Variants in PSD3 observed in about 807,000 individuals in gnomAD.
PSD3 encodes the protein pleckstrin and Sec7 domain containing 3.
In PSD3, 49 loss-of-function variants were observed where a neutral mutation model predicts 105.5. That is an observed-to-expected ratio of 0.46 (90% confidence interval 0.37 to 0.59). PSD3 has a LOEUF of 0.59. Among genes scored for constraint, PSD3 ranks in the 20% least tolerant of loss-of-function variants. The probability of loss-of-function intolerance (pLI) is 0.00; values close to 1 mark genes in which losing one functional copy is unlikely to be tolerated. For synonymous variants in PSD3, 557 were observed against 457.8 expected (o/e 1.22, Z -2.77); for missense variants, 1,561 against 1,263.8 (o/e 1.24, Z -3.57).
intron 1 of PSD3, among the ~76,000 whole-genome samples, chr8:18,980,455 CGTTG>C (rs895862133): frequency 6.6e-6 from 1 of 151,610 alleles, no homozygotes; most frequent in Admixed American, 6.6e-5. Flanking sequence ...TTGGTTGGTT[CGTTG>C]GTTGGTTGGT....
chr8:18,823,483 A>T (rs1204894716), intron 4 of PSD3, among the ~76,000 whole-genome samples: 2 of 152,126 alleles, frequency 1.3e-5, no homozygotes, highest in Non-Finnish European at 2.9e-5. Context: ...AGAGGTATGA[A>T]AAGTCCTGCC....
intron 4 of PSD3, among the ~76,000 whole-genome samples, chr8:18,810,664 CA>C: frequency 6.6e-6 from 1 of 152,104 alleles, no homozygotes; most frequent in Non-Finnish European, 1.5e-5. Flanking sequence ...AAGGGTTGTA[CA>C]TAGAAAATAA....
chr8:18,717,840 G>T (rs2129425059), intron 9 of PSD3, among the ~76,000 whole-genome samples: 1 of 152,124 alleles, frequency 6.6e-6, no homozygotes, highest in East Asian at 1.9e-4. Flanking sequence ...ATAAACTTTT[G>T]CCTGCTCTAG....
upstream of PSD3, chr8:19,013,768 C>T: frequency 3.8e-6 from 1 of 262,728 alleles, no homozygotes; most frequent in Non-Finnish European, 6.4e-6. Flanking sequence ...CGGCAGCCGC[C>T]CGCCCGGCCC....
intron 9 of PSD3, among the ~76,000 whole-genome samples, chr8:18,731,011 C>G (rs1181224669): frequency 6.6e-6 from 1 of 151,290 alleles, no homozygotes. Context: ...TCTGTCCTCT[C>G]TAGAAAATTC....
intron 4 of PSD3, among the ~76,000 whole-genome samples, chr8:18,862,375 GTT>G (rs11287530): frequency 4.6e-5 from 7 of 150,678 alleles, no homozygotes; most frequent in African/African-American, 1.2e-4. Flanking sequence ...CTCCTTTGTG[GTT>G]TTTAAAAAAA....
intron 4 of PSD3, chr8:18,865,264 ATATATATATATATATATATATATTT>A (rs1784314062): frequency 8.7e-3 from 30 of 3,432 alleles, no homozygotes; most frequent in African/African-American, 0.024. Flanking sequence ...ATATATATAT[ATATATATATATATATATATATATTT>A]TTTTTTTTTT....
At chr8:18,541,922 T>C (rs1181783152) in intron 15 of PSD3, among the ~76,000 whole-genome samples, 2 of 152,000 alleles carry the variant, frequency 1.3e-5, no homozygotes, top group African/African-American at 2.4e-5. Flanking sequence ...CTGGCTGATT[T>C]TGTATTTTTA....
At chr8:18,860,262 C>A (rs1816339599) in intron 4 of PSD3, among the ~76,000 whole-genome samples, 1 of 151,540 alleles carries the variant, frequency 6.6e-6, no homozygotes, top group Non-Finnish European at 1.5e-5. Flanking sequence ...TATGGGGCCC[C>A]AAAACAATGA....
chr8:18,565,420 T>C (rs944114071), intron 14 of PSD3, among the ~76,000 whole-genome samples: 2 of 152,220 alleles, frequency 1.3e-5, no homozygotes, highest in African/African-American at 4.8e-5. Flanking sequence ...CGACTCCTCC[T>C]ACACAGCAGA....
chr8:18,761,626 A>G (rs1214894542), intron 9 of PSD3, among the ~76,000 whole-genome samples: 1 of 152,200 alleles, frequency 6.6e-6, no homozygotes, highest in African/African-American at 2.4e-5. Context: ...AACACAGCCT[A>G]CAATACAGAG....
Position 19,070,532 on chromosome 8 carries a change from G to A in PSD3, c.324+13674C>T, listed in dbSNP as rs577250257. 2.6e-5 allele frequency among the ~76,000 whole-genome samples: 4 copies of A among 152,190 alleles called. No homozygotes were observed. In the East Asian group the frequency reaches 7.7e-4, roughly 29 times the overall value. On this transcript the variant is annotated intron_variant, in intron 1 of 1. Transcript: ENST00000521475. ...CTCTACTAAAAATACAAAAAAATTA[G>A]CCAGGCTTGGTGGCACATGTCTGTA...
chr8:18,765,465 G>C lies in PSD3; in HGVS notation c.2156C>G (p.Ser719Cys). The stretch of plus-strand genomic sequence containing the variant: ...CATGCTTACTTTCAGCAGATCCTTG[G>C]AGAAATCAACACCCTCATTTACCCC... Reference protein sequence around the residue: ...LQGVNEGVDFSKDLLKALYNS... With the variant: ...LQGVNEGVDFCKDLLKALYNS... The change falls in exon 9 of 16, where the codon TCC becomes TGC. Residue 719 changes from serine to cysteine, a missense_variant. Coordinates refer to ENST00000327040, the MANE Select transcript of PSD3 (RefSeq NM_015310.4). 1 of 1,610,230 alleles carries C rather than the reference G, an allele frequency of 6.2e-7. No homozygotes were observed. Among genetic ancestry groups the C allele is most frequent in the Non-Finnish European group, 8.5e-7 (1 of 1,176,460 alleles).
intron 9 of PSD3, among the ~76,000 whole-genome samples, chr8:18,759,492 T>C (rs1483913208): frequency 1.3e-5 from 2 of 152,182 alleles, no homozygotes; most frequent in Non-Finnish European, 2.9e-5. Flanking sequence ...TAAGTTGGTA[T>C]AAAAATTTTT....
intron 8 of PSD3, among the ~76,000 whole-genome samples, chr8:18,771,918 C>T (rs28791302): frequency 0.15 from 22,979 of 152,178 alleles, 2,272 homozygotes; most frequent in East Asian, 0.34. Context: ...TTGTAACCAA[C>T]GTTCTACTTT....
At chr8:19,078,044 T>G (rs1212496015) in intron 1 of PSD3, among the ~76,000 whole-genome samples, 1 of 152,154 alleles carries the variant, frequency 6.6e-6, no homozygotes, top group African/African-American at 2.4e-5. Context: ...AAATTTGTTC[T>G]TTTTGAGACA....
chr8:18,619,910 C>T (rs1312074638), intron 11 of PSD3, among the ~76,000 whole-genome samples: 2 of 152,142 alleles, frequency 1.3e-5, no homozygotes, highest in Admixed American at 6.5e-5. Context: ...GGAGAATCGC[C>T]ATTGATGCAG....
At chr8:19,022,475 C>T (rs1247888000) in intron 1 of PSD3, among the ~76,000 whole-genome samples, 1 of 152,234 alleles carries the variant, frequency 6.6e-6, no homozygotes, top group African/African-American at 2.4e-5. Context: ...CTCACACATG[C>T]CCCTTGCCTC....
chr8:18,569,315 T>G (rs1235397891), intron 14 of PSD3, among the ~76,000 whole-genome samples: 2 of 134,390 alleles, frequency 1.5e-5, no homozygotes, highest in African/African-American at 5.6e-5. Flanking sequence ...TAGTTTACAG[T>G]CCCACCAACA....
Sources: gnomAD v4.1 joint callset for allele counts (sites outside exome capture counted in the v4.1 genomes callset) on GRCh38, gnomAD v4.1.1 for gene constraint, MANE v1.5 for transcripts, NCBI Gene and HGNC (gene_info 2026-07-23, HGNC 2026-07-21) for gene names.